SGCZ: variants seen among roughly 807,000 people sequenced by gnomAD.
SGCZ encodes sarcoglycan zeta, also known as zeta-sarcoglycan.
SGCZ carries 40 observed loss-of-function variants against 41.3 expected under a neutral mutation model. That is an observed-to-expected ratio of 0.97 (90% confidence interval 0.75 to 1.26). SGCZ has a LOEUF of 1.26. Ranked by LOEUF, SGCZ falls within the 50% of genes most tolerant of loss-of-function variation. The pLI, the probability that SGCZ is intolerant of heterozygous loss-of-function variation, is 0.00. For synonymous variants in SGCZ, 206 were observed against 137.5 expected, an observed-to-expected ratio of 1.50 and a Z score of -3.49; for missense variants, 552 against 369.8, an observed-to-expected ratio of 1.49 and a Z score of -4.04.
chr8:14,849,663 G>T (rs1803248967), intron 1 of SGCZ, among the ~76,000 whole-genome samples: 1 of 152,092 alleles, frequency 6.6e-6, no homozygotes. Flanking sequence ...AGGCAGAGTG[G>T]TTCTGAGGAA....
intron 3 of SGCZ, among the ~76,000 whole-genome samples, chr8:14,257,047 C>T (rs982291849): frequency 5.3e-5 from 8 of 152,050 alleles, no homozygotes; most frequent in Admixed American, 4.6e-4. Context: ...GAACAGGTTT[C>T]TGGCCAGGCG....
chr8:15,039,562 A>G (rs1803999748), intron 1 of SGCZ, among the ~76,000 whole-genome samples: 1 of 152,224 alleles, frequency 6.6e-6, no homozygotes, highest in Non-Finnish European at 1.5e-5. Context: ...TATGGTGACT[A>G]TAGCCAATAA....
intron 2 of SGCZ, among the ~76,000 whole-genome samples, chr8:14,333,531 G>C (rs1387339877): frequency 1.3e-5 from 2 of 151,790 alleles, no homozygotes; most frequent in Non-Finnish European, 2.9e-5. Flanking sequence ...AAAAAAAAAA[G>C]TTACTTTTTC....
intron 4 of SGCZ, among the ~76,000 whole-genome samples, chr8:14,172,911 G>C (rs4831542): frequency 0.3 from 45,624 of 151,906 alleles, 7,521 homozygotes; most frequent in East Asian, 0.68. Flanking sequence ...ATAATTATTA[G>C]ATAAAGACTA....
intron 1 of SGCZ, among the ~76,000 whole-genome samples, chr8:15,051,812 A>C (rs79011224): frequency 0.017 from 2,587 of 152,262 alleles, 73 homozygotes; most frequent in African/African-American, 0.058. Context: ...CCAGTGTTTT[A>C]ACCATAGCAT....
intron 1 of SGCZ, among the ~76,000 whole-genome samples, chr8:15,022,066 C>A (rs1803272113): frequency 6.6e-6 from 1 of 152,176 alleles, no homozygotes; most frequent in South Asian, 2.1e-4. Context: ...ACTGCACATG[C>A]AATCATAATG....
At chr8:14,327,097 AG>A (rs2117041120) in intron 2 of SGCZ, among the ~76,000 whole-genome samples, 1 of 152,356 alleles carries the variant, frequency 6.6e-6, no homozygotes, top group African/African-American at 2.4e-5. Context: ...GCATAGTCAA[AG>A]AATGGCAAAT....
chr8:14,792,195 T>G (rs1800977430), intron 1 of SGCZ, among the ~76,000 whole-genome samples: 1 of 152,198 alleles, frequency 6.6e-6, no homozygotes, highest in Non-Finnish European at 1.5e-5. Flanking sequence ...ACCCATGAAG[T>G]GTCACAATAT....
intron 1 of SGCZ, among the ~76,000 whole-genome samples, chr8:15,157,410 C>G (rs896288133): frequency 2.6e-5 from 4 of 151,310 alleles, no homozygotes; most frequent in Non-Finnish European, 4.4e-5. Context: ...CAAAGCAAGA[C>G]CGTCTCTTAA....
At chr8:14,769,787 C>T (rs1023651279) in intron 1 of SGCZ, among the ~76,000 whole-genome samples, 1 of 59,960 alleles carries the variant, frequency 1.7e-5, no homozygotes, top group Non-Finnish European at 2.5e-5. Context: ...AAGAGCAAAA[C>T]ACCATTAAAA....
At chr8:15,235,901 T>C (rs1055521522) in intron 1 of SGCZ, among the ~76,000 whole-genome samples, 1 of 152,198 alleles carries the variant, frequency 6.6e-6, no homozygotes, top group Admixed American at 6.5e-5. Context: ...AGATAAAACC[T>C]ACCCCTTCTC....
At chr8:14,184,273 C>G (rs1001529978) in intron 4 of SGCZ, among the ~76,000 whole-genome samples, 5 of 152,032 alleles carry the variant, frequency 3.3e-5, no homozygotes, top group South Asian at 2.1e-4. Flanking sequence ...TCAGCAGGAG[C>G]TAAAATATTC....
intron 3 of SGCZ, chr8:14,309,207 TC>T: frequency 6.7e-7 from 1 of 1,492,286 alleles, no homozygotes; most frequent in Non-Finnish European, 9.3e-7. Flanking sequence ...CTGCGGCTGA[TC>T]TCTAAGTTTG....
chr8:14,639,851 G>A (rs760063240), intron 1 of SGCZ, among the ~76,000 whole-genome samples: 19 of 151,188 alleles, frequency 1.3e-4, no homozygotes, highest in Non-Finnish European at 2.7e-4. Flanking sequence ...AGTCCAGGTT[G>A]GCATAATTTG....
chr8:14,728,891 A>T (rs1429119814), intron 1 of SGCZ, among the ~76,000 whole-genome samples: 1 of 152,206 alleles, frequency 6.6e-6, no homozygotes, highest in Non-Finnish European at 1.5e-5. Flanking sequence ...GATCAGTTTT[A>T]GAAGTAATTT....
At chr8:14,646,646 C>A (rs1206597428) in intron 1 of SGCZ, among the ~76,000 whole-genome samples, 1 of 149,024 alleles carries the variant, frequency 6.7e-6, no homozygotes, top group Admixed American at 6.7e-5. Flanking sequence ...CTTCTTTCCA[C>A]AGATAATAGT....
chr8:14,263,971 C>T (rs1288614919), intron 3 of SGCZ, among the ~76,000 whole-genome samples: 1 of 152,232 alleles, frequency 6.6e-6, no homozygotes, highest in South Asian at 2.1e-4. Flanking sequence ...AATCCCACAA[C>T]CTCTGGCTCC....
intron 2 of SGCZ, among the ~76,000 whole-genome samples, chr8:14,457,350 T>C (rs906816154): frequency 1.7e-4 from 26 of 152,174 alleles, no homozygotes; most frequent in African/African-American, 5.3e-4. Context: ...TCTGGGAAGA[T>C]GCCTGTTACC....
intron 1 of SGCZ, among the ~76,000 whole-genome samples, chr8:15,217,353 C>G (rs1801439206): frequency 6.7e-6 from 1 of 149,680 alleles, no homozygotes; most frequent in Admixed American, 6.7e-5. Context: ...GGAGGCGGAG[C>G]TTGCAGTGAG....
Sources: allele counts gnomAD v4.1 joint callset (sites outside exome capture counted in the v4.1 genomes callset), GRCh38; gene constraint gnomAD v4.1.1; transcripts MANE v1.5; gene names NCBI Gene and HGNC (gene_info 2026-07-23, HGNC 2026-07-21).